The following SPTBN5 variants were observed in gnomAD, a reference collection of about 807,000 sequenced individuals.
SPTBN5 encodes spectrin beta chain, non-erythrocytic 5.
Under a neutral mutation model 477.6 loss-of-function variants are expected in SPTBN5, and 513 were observed. The ratio of observed to expected loss-of-function variants is 1.07; its 90% CI spans 1.00 to 1.16. The LOEUF is 1.16. Ranked by LOEUF, SPTBN5 falls within the 50% of genes most tolerant of loss-of-function variation. SPTBN5 has a pLI of 0.00. For synonymous variants in SPTBN5, 2,169 were observed against 2,011.7 expected (o/e 1.08, Z -2.09); for missense variants, 5,062 against 4,731.8 (o/e 1.07, Z -2.05).
chr15:41,891,456 TG>T (rs2067310331), intron 3 of SPTBN5, among the ~76,000 whole-genome samples: 2 of 152,160 alleles, frequency 1.3e-5, no homozygotes, highest in South Asian at 4.2e-4. Flanking sequence ...CTCTGGTGAG[TG>T]GGGTGTTTGT....
At chr15:41,865,773 G>C (rs763461105) in intron 39 of SPTBN5, 35 bp downstream of exon 39, 3 of 1,523,024 alleles carry the variant, frequency 2.0e-6, no homozygotes, top group Non-Finnish European at 2.7e-6. Context: ...AGTGCGGGAT[G>C]CATGGCCAAC....
At chr15:41,883,525 G>A in intron 7 of SPTBN5, 39 bp from the exon 8 acceptor site, 1 of 1,595,958 alleles carries the variant, frequency 6.3e-7, no homozygotes, top group Non-Finnish European at 8.6e-7. Flanking sequence ...CCTCTGGGTT[G>A]GGGCAGGGAA....
At chr15:41,856,785 A>T (rs1202520052) in intron 52 of SPTBN5, 68 bp downstream of exon 52, 1 of 1,459,520 alleles carries the variant, frequency 6.9e-7, no homozygotes, top group Non-Finnish European at 9.2e-7. Flanking sequence ...GGCCACAGAG[A>T]GTGCCATTTC....
At position 41,889,425 on chromosome 15, in the gene SPTBN5, C is replaced by CT. The variant is rs367916513; in HGVS notation, c.501+663dup. On this transcript the variant is annotated intron_variant, in intron 4 of 67. Transcript: ENST00000320955. Reference sequence around the variant, plus strand: ...AAAAGTATAACTATAAGGACTCTTTCTTTTTTTTTTGAGACACGGTCTCAC... The same window carrying CT: ...AAAAGTATAACTATAAGGACTCTTTCTTTTTTTTTTTGAGACACGGTCTCAC... Among the ~76,000 whole-genome samples the CT allele has an allele frequency of 8.1e-3, 1,217 of 149,370 alleles. 20 individuals are homozygous for CT. Among genetic ancestry groups the CT allele is most frequent in the African/African-American group, 0.027 (1,119 of 40,836 alleles).
At chr15:41,879,616 C>G (rs1037308660) in intron 15 of SPTBN5, 117 bp from the exon 16 acceptor site, 6 of 1,566,316 alleles carry the variant, frequency 3.8e-6, no homozygotes, top group African/African-American at 1.3e-5. Context: ...TTGCCCCTTC[C>G]CTGTGCCTCG....
chr15:41,870,651 C>T, intron 29 of SPTBN5, 91 bp from the exon 30 acceptor site: 5 of 1,090,062 alleles, frequency 4.6e-6, no homozygotes, highest in Non-Finnish European at 6.6e-6. Flanking sequence ...CCGCTCCTCT[C>T]TGAGTTGTAT....
Position 41,855,732 on chromosome 15 carries a change from C to G in SPTBN5, c.9035G>C (p.Gly3012Ala). ...ATGGCCCCGCTCAGCCAGCCAGGAT[C>G]CCGCCTCCAGGAGCTGGGGGTGACA... Reference protein sequence around the residue: ...QQFLTELLEAGSWLAERGHVL... With the variant: ...QQFLTELLEAASWLAERGHVL... The change falls in exon 54 of 68, where the codon GGA becomes GCA. Residue 3012 changes from glycine to alanine, a missense_variant. Transcript: ENST00000320955. The G allele has an allele frequency of 6.3e-7, 1 of 1,583,524 alleles. No individual in the cohort carries two copies. The highest frequency in any genetic ancestry group is 8.6e-7 in the Non-Finnish European group (1 of 1,165,228).
At chr15:41,870,096 G>A (rs1159170752) in intron 31 of SPTBN5, 76 bp from the exon 32 acceptor site, 1 of 1,450,560 alleles carries the variant, frequency 6.9e-7, no homozygotes, top group Non-Finnish European at 9.1e-7. Flanking sequence ...CCTTGCCTGG[G>A]AACTCTGGCC....
rs1406163690 is a variant in SPTBN5 at position 41,887,304 on chromosome 15, T to C, written c.797A>G (p.Asp266Gly). Residue 266 changes from aspartate to glycine, a missense_variant, in exon 6 of 68, where the codon GAT becomes GGT. Coordinates refer to ENST00000320955, the MANE Select transcript of SPTBN5 (RefSeq NM_016642.4). The stretch of plus-strand genomic sequence containing the variant: ...GACGTAGGTCATGATAGAGCGCTCA[T>C]CTGGCTGTGCGGCTGCCACGTCCTC... ...DPEDVAAAQPDERSIMTYVSL... is the reference protein window; with the variant it reads ...DPEDVAAAQPGERSIMTYVSL... The C allele has an allele frequency of 1.3e-6, 2 of 1,551,220 alleles. No individual in the cohort carries two copies. The highest frequency in any genetic ancestry group is 2.4e-5 in the South Asian group (2 of 84,062).
intron 67 of SPTBN5, 26 bp from the exon 68 acceptor site, chr15:41,848,654 G>T (rs765283742): frequency 1.9e-6 from 3 of 1,613,568 alleles, no homozygotes; most frequent in Admixed American, 1.7e-5. Context: ...AATGAATTTA[G>T]TAGGGTATGG....
intron 14 of SPTBN5, 112 bp downstream of exon 14, chr15:41,880,048 C>T (rs1239012916): frequency 2.1e-6 from 3 of 1,435,266 alleles, no homozygotes; most frequent in Non-Finnish European, 2.8e-6. Context: ...CAGCTCTCTG[C>T]TCCCCTCCCC....
In SPTBN5 at chr15:41,885,821, G is replaced by A; in HGVS notation, c.1434C>T (p.Pro478=). 1 of 1,558,804 alleles carries A rather than the reference G, an allele frequency of 6.4e-7. No individual in the cohort carries two copies. Among genetic ancestry groups the A allele is most frequent in the Non-Finnish European group, 8.7e-7 (1 of 1,151,614 alleles). The change falls in exon 7 of 68, where the codon CCC becomes CCT. Residue 478 remains proline (P), a synonymous_variant. Coordinates refer to ENST00000320955, the MANE Select transcript of SPTBN5 (RefSeq NM_016642.4). ...RLGMLEAGIL[P]QEGRFQALAE... ...CCAGGGCCTGGAAGCGCCCCTCCTG[G>A]GGCAGGATGCCAGCCTCCAGCATGC...
intron 53 of SPTBN5, among the ~76,000 whole-genome samples, 179 bp downstream of exon 53, chr15:41,856,207 G>C (rs1036154765): frequency 3.9e-5 from 6 of 152,266 alleles, no homozygotes; most frequent in Non-Finnish European, 7.3e-5. Context: ...AAAGACAAAA[G>C]CCAACCCAGC....
intron 25 of SPTBN5, 65 bp downstream of exon 25, chr15:41,873,780 C>T: frequency 6.3e-7 from 1 of 1,586,112 alleles, no homozygotes; most frequent in Non-Finnish European, 8.6e-7. Context: ...GAGAGTCCCA[C>T]AGGTGGCCCC....
Position 41,878,583 on chromosome 15 carries a change from C to T in SPTBN5, c.3229G>A (p.Val1077Met), listed in dbSNP as rs371401313. ...TTCAGCAGCCCCTGCAGTGTCTCCA[C>T]CTGTCCTTGCAGAGGCTGGCTCTCT... ...YAESQPLQGQVETLQGLLKQV... is the reference protein window; with the variant it reads ...YAESQPLQGQMETLQGLLKQV... Residue 1077 changes from valine (V) to methionine (M), a missense_variant, in exon 17 of 68, where the codon GTG becomes ATG. Transcript: ENST00000320955. 3.7e-6 allele frequency: 6 copies of T among 1,612,712 alleles called. No individual in the cohort carries two copies. The East Asian group carries it at 1.1e-4, about 30-fold the overall frequency.
At position 41,854,192 on chromosome 15, in the gene SPTBN5, G is replaced by A; in HGVS notation, c.9632C>T (p.Ala3211Val). Reference sequence around the variant, plus strand: ...CTGCTGAAAGCTGTGGACCTCATGGGCTGCAGCCAAGTTCTGGGAGAGGAG... The same window carrying A: ...CTGCTGAAAGCTGTGGACCTCATGGACTGCAGCCAAGTTCTGGGAGAGGAG... The part of the protein sequence containing the change: ...IKARTENLAA[A>V]HEVHSFQQAA... Residue 3211 changes from alanine (A) to valine (V), a missense_variant, in exon 57 of 68, where the codon GCC becomes GTC. Ala to Val is a moderately conservative substitution (Grantham distance 64). Coordinates refer to ENST00000320955, the MANE Select transcript of SPTBN5 (RefSeq NM_016642.4). 2 of 1,598,948 alleles carry A rather than the reference G, an allele frequency of 1.3e-6. No individual in the cohort carries two copies. The highest frequency in any genetic ancestry group is 1.7e-6 in the Non-Finnish European group (2 of 1,173,080).
chr15:41,865,810 C>A lies in SPTBN5; in HGVS notation c.6916G>T (p.Gly2306Trp), dbSNP rs372887153. ...TCTACCCAGCAAGGCCCTCTTACCC[C>A]GGCCGAGTTTCCTCGGAACTCGCGG... Reference protein sequence around the residue: ...RLREFRGNSAGDTVGDACIRS... With the variant: ...RLREFRGNSAWDTVGDACIRS... The change falls in exon 39 of 68, where the codon GGG becomes TGG. Residue 2306 changes from glycine (G) to tryptophan (W), a missense_variant and splice_region_variant. Coordinates refer to ENST00000320955, the MANE Select transcript of SPTBN5 (RefSeq NM_016642.4). The A allele has an allele frequency of 1.9e-6, 3 of 1,557,816 alleles. No homozygotes were observed. Among genetic ancestry groups the A allele is most frequent in the Admixed American group, 1.9e-5 (1 of 52,400 alleles).
rs199569367 is a variant in SPTBN5, at chr15:41,873,971, G to C, written c.4764C>G (p.Ala1588=). 372 of 1,607,186 alleles carry C rather than the reference G, an allele frequency of 2.3e-4. 1 individual carries two copies. The highest frequency in any genetic ancestry group is 6.4e-5 in the Non-Finnish European group (75 of 1,179,830). Residue 1588 remains alanine (A), a synonymous_variant, in exon 25 of 68, where the codon GCC becomes GCG. Transcript: ENST00000320955. ...RVLSSGRSLA[A]SGHPQAQHIV... ...TGTGTTGGGCTTGGGGGTGCCCTGA[G>C]GCTGCCAGGCTCCGCCCAGAACTCA...
chr15:41,876,841 C>T lies in SPTBN5; in HGVS notation c.3819G>A (p.Lys1273=). Residue 1273 remains lysine (K), a synonymous_variant, in exon 19 of 68, where the codon AAG becomes AAA. Transcript: ENST00000320955. ...RAEALRAHGE[K]LVQSQHPAAH... Reference sequence around the variant, plus strand: ...CAGCTGGGTGCTGGCTCTGAACCAGCTTCTCGCCGTGTGCCCGCAGAGCCT... The same window carrying T: ...CAGCTGGGTGCTGGCTCTGAACCAGTTTCTCGCCGTGTGCCCGCAGAGCCT... 1 of 1,610,516 alleles carries T rather than the reference C, an allele frequency of 6.2e-7. No homozygotes were observed. Among genetic ancestry groups the T allele is most frequent in the East Asian group, 2.2e-5 (1 of 44,884 alleles).
Sources: allele counts gnomAD v4.1 joint callset (sites outside exome capture counted in the v4.1 genomes callset), GRCh38; gene constraint gnomAD v4.1.1; transcripts MANE v1.5; gene names NCBI Gene and HGNC (gene_info 2026-07-23, HGNC 2026-07-21).